Variants in SRGAP3 observed in about 807,000 individuals in gnomAD.
SRGAP3 encodes SLIT-ROBO Rho GTPase-activating protein 3.
Under a neutral mutation model 121.1 loss-of-function variants are expected in SRGAP3, and 39 were observed. The observed-to-expected ratio is 0.32, with a 90% confidence interval of 0.25 to 0.42. The LOEUF (loss-of-function observed/expected upper bound fraction) is 0.42, where lower values mean the gene tolerates loss of function less well. SRGAP3 is among the 10% of genes least tolerant of loss of function. The pLI is 1.00. For synonymous variants in SRGAP3, 601 were observed against 570.0 expected, an observed-to-expected ratio of 1.05 and a Z score of -0.77; for missense variants, 1,213 against 1,470.6, an observed-to-expected ratio of 0.82 and a Z score of 2.86.
At chr3:9,092,514 C>A (rs1947799305) in intron 3 of SRGAP3, among the ~76,000 whole-genome samples, 1 of 152,058 alleles carries the variant, frequency 6.6e-6, no homozygotes, top group African/African-American at 2.4e-5. Flanking sequence ...TATTGTTGAA[C>A]CTATTTTGAA....
chr3:9,088,801 G>A (rs1233323409), intron 3 of SRGAP3, among the ~76,000 whole-genome samples: 6 of 152,202 alleles, frequency 3.9e-5, no homozygotes, highest in East Asian at 1.9e-4. Context: ...GATTTTCAGC[G>A]TCTCTGGTAA....
intron 3 of SRGAP3, among the ~76,000 whole-genome samples, chr3:9,095,821 A>G (rs1947944241): frequency 6.6e-6 from 1 of 152,174 alleles, no homozygotes; most frequent in Non-Finnish European, 1.5e-5. Context: ...TAATTCCAGC[A>G]CTTTGGGAGG....
At chr3:9,270,236 G>T (rs1306274979) in intron 3 of SRGAP3, among the ~76,000 whole-genome samples, 1 of 152,096 alleles carries the variant, frequency 6.6e-6, no homozygotes, top group African/African-American at 2.4e-5. Context: ...GATAATAAAA[G>T]TATACATATT....
intron 1 of SRGAP3, among the ~76,000 whole-genome samples, chr3:9,243,196 C>T (rs1365467835): frequency 6.6e-6 from 1 of 151,968 alleles, no homozygotes; most frequent in African/African-American, 2.4e-5. Context: ...TGGAAGGCAT[C>T]GTGGAAGAAG....
At chr3:9,009,817 G>A (rs1182692177) in intron 18 of SRGAP3, among the ~76,000 whole-genome samples, 1 of 152,102 alleles carries the variant, frequency 6.6e-6, no homozygotes, top group Non-Finnish European at 1.5e-5. Context: ...AGACACACCT[G>A]TAATCTGGCA....
chr3:9,206,822 C>T (rs962972051), intron 1 of SRGAP3, among the ~76,000 whole-genome samples: 1 of 152,194 alleles, frequency 6.6e-6, no homozygotes, highest in African/African-American at 2.4e-5. Flanking sequence ...TCCTTCATCG[C>T]ACCTATCAGT....
At chr3:9,343,102 A>G (rs1172612358) in intron 1 of SRGAP3, among the ~76,000 whole-genome samples, 1 of 152,128 alleles carries the variant, frequency 6.6e-6, no homozygotes, top group Non-Finnish European at 1.5e-5. Flanking sequence ...AATTAAATTT[A>G]TTGTCTTCTT....
chr3:9,098,622 C>T (rs924900631), intron 3 of SRGAP3, among the ~76,000 whole-genome samples: 3 of 152,202 alleles, frequency 2.0e-5, no homozygotes, highest in African/African-American at 7.2e-5. Context: ...TTGGACACAT[C>T]TGGATTCAAA....
At chr3:9,045,565 C>A (rs1337088744) in intron 10 of SRGAP3, among the ~76,000 whole-genome samples, 1 of 151,908 alleles carries the variant, frequency 6.6e-6, no homozygotes, top group Non-Finnish European at 1.5e-5. Context: ...CATCAATCAT[C>A]ATCATTTGAG....
At chr3:9,346,136 T>G (rs1285428681) in intron 1 of SRGAP3, among the ~76,000 whole-genome samples, 1 of 152,146 alleles carries the variant, frequency 6.6e-6, no homozygotes, top group Admixed American at 6.5e-5. Context: ...GATGCAAATT[T>G]CTTACTGCAC....
chr3:9,112,479 A>G (rs11919268), intron 2 of SRGAP3, among the ~76,000 whole-genome samples: 10,364 of 152,302 alleles, frequency 0.068, 411 homozygotes, highest in African/African-American at 0.083. Flanking sequence ...CACACTTCCC[A>G]CTTCGTGGAG....
chr3:9,268,296 G>GTC (rs71626912), intron 3 of SRGAP3, among the ~76,000 whole-genome samples: 7,052 of 147,624 alleles, frequency 0.048, 222 homozygotes, highest in African/African-American at 0.086. Context: ...AGAGAGAAGA[G>GTC]TCTCTCTCTC....
intron 1 of SRGAP3, among the ~76,000 whole-genome samples, chr3:9,248,112 G>A (rs910034260): frequency 1.2e-4 from 19 of 152,234 alleles, no homozygotes; most frequent in African/African-American, 4.6e-4. Flanking sequence ...TCGCCCTCCC[G>A]GCAGGCTTCT....
chr3:9,309,500 G>A (rs968836940), intron 3 of SRGAP3, among the ~76,000 whole-genome samples: 3 of 152,104 alleles, frequency 2.0e-5, no homozygotes, highest in Non-Finnish European at 2.9e-5. Context: ...CCAACCCTGC[G>A]CTTTCAGGGA....
chr3:8,986,880 G>A (rs1459178277), intron 21 of SRGAP3, among the ~76,000 whole-genome samples: 1 of 152,230 alleles, frequency 6.6e-6, no homozygotes, highest in Non-Finnish European at 1.5e-5. Context: ...CGAGCCCCCT[G>A]CCACCCAGGG....
intron 1 of SRGAP3, among the ~76,000 whole-genome samples, chr3:9,243,393 G>C (rs1194888724): frequency 6.6e-6 from 1 of 152,106 alleles, no homozygotes; most frequent in African/African-American, 2.4e-5. Context: ...CCAGCATTTT[G>C]GGAGGCCGAG....
At chr3:9,342,864 T>G (rs1955815183) in intron 1 of SRGAP3, among the ~76,000 whole-genome samples, 1 of 152,244 alleles carries the variant, frequency 6.6e-6, no homozygotes. Flanking sequence ...TCTCATTTCC[T>G]GTGCCTGTTC....
intron 12 of SRGAP3, among the ~76,000 whole-genome samples, chr3:9,028,284 G>A (rs1002003841): frequency 2.6e-5 from 4 of 152,188 alleles, no homozygotes; most frequent in African/African-American, 4.8e-5. Context: ...CCAAACAGCC[G>A]GCCTGTGGGG....
intron 1 of SRGAP3, among the ~76,000 whole-genome samples, chr3:9,175,976 C>T (rs937391730): frequency 5.3e-5 from 8 of 152,122 alleles, no homozygotes; most frequent in East Asian, 1.9e-4. Flanking sequence ...GGCTGGAGTG[C>T]GATGGCGCAG....
Sources: allele counts gnomAD v4.1 joint callset (sites outside exome capture counted in the v4.1 genomes callset), GRCh38; gene constraint gnomAD v4.1.1; transcripts MANE v1.5; gene names NCBI Gene and HGNC (gene_info 2026-07-23, HGNC 2026-07-21).